Variants in STRN4 observed in about 807,000 individuals in gnomAD.
STRN4 encodes striatin 4.
A neutral mutation model predicts 77.9 loss-of-function variants in STRN4; 27 were observed. The ratio of observed to expected loss-of-function variants is 0.35; its 90% CI spans 0.26 to 0.48. The LOEUF is 0.48. STRN4 is among the 20% of genes least tolerant of loss of function. STRN4 has a pLI of 0.99. For missense variants in STRN4, 798 were observed against 1,049.7 expected (o/e 0.76, Z 3.31); for synonymous variants, 466 against 443.1 (o/e 1.05, Z -0.65).
intron 9 of STRN4, 196 bp from the exon 10 acceptor site, chr19:46,725,844 C>T (rs766329061): frequency 1.3e-5 from 9 of 686,574 alleles, no homozygotes; most frequent in Non-Finnish European, 1.9e-5. Context: ...AACAAGTCCC[C>T]ACACTGCGCT....
chr19:46,733,352 A>C lies in STRN4; in HGVS notation c.540-116T>G. On this transcript the variant is annotated intron_variant, in intron 4 of 17. Transcript: ENST00000263280. This position sits in a 1 kb window ranked among gnomAD's most constrained non-coding sequence, Gnocchi z 4.3. ...GGGCCACTTAAGAGCATACACCAAA[A>C]TCTGACATAAGCACACCCTCGCTCC... is the stretch of plus-strand genomic sequence containing the variant. The C allele has an allele frequency of 2.3e-5, 21 of 924,982 alleles. No homozygotes were observed. The highest frequency in any genetic ancestry group is 5.3e-5 in the East Asian group (2 of 37,462). 57.3% of individuals were successfully genotyped at this position (924,982 alleles called of 1,614,324 possible).
chr19:46,722,146 G>C, intron 15 of STRN4, 74 bp from the exon 16 acceptor site: 2 of 1,602,432 alleles, frequency 1.2e-6, no homozygotes, highest in Non-Finnish European at 1.7e-6. Flanking sequence ...AGGACTGGAC[G>C]AGAGACTCCC....
At position 46,738,738 on chromosome 19, in the gene STRN4, C is replaced by T. The variant is rs1786108717; in HGVS notation, c.386+47G>A. The stretch of plus-strand genomic sequence containing the variant: ...TGGCTGGTGGCCTCCTGACACTGTG[C>T]TTGAGACGGACCCAGAAGGCAGGCC... On this transcript the variant is annotated intron_variant, in intron 2 of 17. Coordinates refer to ENST00000263280, the MANE Select transcript of STRN4 (RefSeq NM_013403.3). The surrounding 1 kb of genome is among the most constrained non-coding windows in gnomAD (Gnocchi z 4.5). 6.3e-7 allele frequency: 1 copy of T among 1,599,288 alleles called. No individual in the cohort carries two copies. The highest frequency in any genetic ancestry group is 1.3e-5 in the African/African-American group (1 of 74,602).
At chr19:46,721,903 C>T in intron 16 of STRN4, 83 bp downstream of exon 16, 3 of 1,541,464 alleles carry the variant, frequency 1.9e-6, no homozygotes, top group Non-Finnish European at 2.7e-6. Context: ...CCCGGGGCCC[C>T]CTGAGCACTT....
chr19:46,746,445 C>T lies in STRN4; in HGVS notation c.-15G>A, dbSNP rs1363942357. 3.4e-5 allele frequency: 34 copies of T among 1,004,226 alleles called. No individual in the cohort carries two copies. Among genetic ancestry groups the T allele is most frequent in the Non-Finnish European group, 3.9e-5 (33 of 844,444 alleles). 62.2% of individuals were successfully genotyped at this position (1,004,226 alleles called of 1,614,324 possible). A position where few individuals can be genotyped will look rare whatever the true frequency, so the allele number is the denominator to read the frequency against. ...TCCTCCATCATGGAGGCCCCGGGGC[C>T]GGCCTGCGCGCCCGCTGTGCCTCGC... On this transcript the variant is annotated 5_prime_UTR_variant, in exon 1 of 18. Transcript: ENST00000263280.
Position 46,733,596 on chromosome 19 carries a change from C to T in STRN4, c.540-360G>A. The stretch of plus-strand genomic sequence containing the variant: ...AAGGGAAGCTGGCCACGGTAAACAG[C>T]AGAACGAAAACGCTAAGTTCTATGA... On this transcript the variant is annotated intron_variant, in intron 4 of 17. Coordinates refer to ENST00000263280, the MANE Select transcript of STRN4 (RefSeq NM_013403.3). This position sits in a 1 kb window ranked among gnomAD's most constrained non-coding sequence, Gnocchi z 4.3. The T allele has an allele frequency of 4.2e-6, 1 of 236,654 alleles. No individual in the cohort carries two copies. The highest frequency in any genetic ancestry group is 8.4e-6 in the Non-Finnish European group (1 of 119,358). 14.7% of individuals were successfully genotyped at this position (236,654 alleles called of 1,614,324 possible).
At position 46,719,714 on chromosome 19, in the gene STRN4, C is replaced by G. The variant is rs1040423458; in HGVS notation, c.*691G>C. 2 of 152,506 alleles carry G rather than the reference C, an allele frequency of 1.3e-5. No homozygotes were observed. Among genetic ancestry groups the G allele is most frequent in the African/African-American group, 2.4e-5 (1 of 41,398 alleles). 9.4% of individuals were successfully genotyped at this position (152,506 alleles called of 1,614,324 possible). On this transcript the variant is annotated 3_prime_UTR_variant, in exon 18 of 18. Transcript: ENST00000263280. ...AGTGATAATGCGGGTGGGGCGGCGC[C>G]ATGAAAATCCCGTTATTTATACAGA...
chr19:46,738,955 C>G lies in STRN4; in HGVS notation c.283-67G>C. ...AGGCTCAATGCCGGTGTGTCTATCA[C>G]TCACCCAGGTATAGTGCCAGCCCAC... On this transcript the variant is annotated intron_variant, in intron 1 of 17. Coordinates refer to ENST00000263280, the MANE Select transcript of STRN4 (RefSeq NM_013403.3). This position sits in a 1 kb window ranked among gnomAD's most constrained non-coding sequence, Gnocchi z 4.5. 7.2e-7 allele frequency: 1 copy of G among 1,388,930 alleles called. No individual in the cohort carries two copies. The highest frequency in any genetic ancestry group is 1.0e-6 in the Non-Finnish European group (1 of 985,012). 86.0% of individuals were successfully genotyped at this position (1,388,930 alleles called of 1,614,324 possible).
At position 46,728,627 on chromosome 19, in the gene STRN4, G is replaced by T; in HGVS notation, c.1030C>A (p.His344Asn). 1 of 1,613,214 alleles carries T rather than the reference G, an allele frequency of 6.2e-7. No individual in the cohort carries two copies. Among genetic ancestry groups the T allele is most frequent in the South Asian group, 1.1e-5 (1 of 91,056 alleles). The change falls in exon 7 of 18, where the codon CAT becomes AAT. Residue 344 changes from histidine to asparagine, a missense_variant. Physicochemically the swap from His to Asn is moderately conservative, Grantham distance 68. Coordinates refer to ENST00000263280, the MANE Select transcript of STRN4 (RefSeq NM_013403.3). The part of the protein sequence containing the change: ...PRRCTVDGSP[H>N]ELESRRVKLQ... Reference sequence around the variant, plus strand: ...GAAAACGTCAGCTCACCCAGCTCATGGGGGCTCCCATCCACAGTGCACCGC... The same window carrying T: ...GAAAACGTCAGCTCACCCAGCTCATTGGGGCTCCCATCCACAGTGCACCGC...
At chr19:46,744,286 A>G (rs1343133963) in intron 1 of STRN4, among the ~76,000 whole-genome samples, 1 of 152,242 alleles carries the variant, frequency 6.6e-6, no homozygotes, top group Non-Finnish European at 1.5e-5. Flanking sequence ...AAGTGAGAGC[A>G]GTTACATAAG....
rs1397214031 is a variant in STRN4, at chr19:46,746,074, G to A, written c.282+75C>T. The A allele has an allele frequency of 3.1e-6, 4 of 1,311,008 alleles. No homozygotes were observed. In the East Asian group the frequency reaches 9.9e-5, roughly 32 times the overall value. 81.2% of individuals were successfully genotyped at this position (1,311,008 alleles called of 1,614,324 possible). ...CCGGCGGCCATTGCTCCAAGATGGC[G>A]GCGGCGGCGGCAGCGGGTGAGGCCG... On this transcript the variant is annotated intron_variant, in intron 1 of 17. Coordinates refer to ENST00000263280, the MANE Select transcript of STRN4 (RefSeq NM_013403.3).
At chr19:46,732,867 G>A (rs1442453789) in intron 5 of STRN4, among the ~76,000 whole-genome samples, 172 bp downstream of exon 5, 5 of 152,146 alleles carry the variant, frequency 3.3e-5, no homozygotes, top group Admixed American at 1.3e-4. Context: ...GACAGAATCC[G>A]GGGGATCCCA....
Position 46,738,972 on chromosome 19 carries a change from C to A in STRN4, c.283-84G>T. 1 of 1,177,730 alleles carries A rather than the reference C, an allele frequency of 8.5e-7. No homozygotes were observed. Among genetic ancestry groups the A allele is most frequent in the South Asian group, 1.2e-5 (1 of 81,138 alleles). 73.0% of individuals were successfully genotyped at this position (1,177,730 alleles called of 1,614,324 possible). On this transcript the variant is annotated intron_variant, in intron 1 of 17. Transcript: ENST00000263280. The surrounding 1 kb of genome is among the most constrained non-coding windows in gnomAD (Gnocchi z 4.5). ...GTCTATCACTCACCCAGGTATAGTG[C>A]CAGCCCACAGTCACCCCACAGTAAT...
chr19:46,746,169 C>A lies in STRN4; in HGVS notation c.262G>T (p.Ala88Ser). The change falls in exon 1 of 18, where the codon GCC (alanine) becomes TCC (serine). Residue 88 changes from alanine (A) to serine (S), a missense_variant. Around this residue, in one of 2 missense-constraint regions of STRN4, gnomAD observed 511 missense variants for 575.9 expected, o/e 0.89. Transcript: ENST00000263280. ...RFEAEKARWE[A>S]ERAELQAQVA... Reference sequence around the variant, plus strand: ...CTCACCTGTAACTCGGCGCGCTCGGCCTCCCAGCGGGCTTTCTCGGCTTCG... The same window carrying A: ...CTCACCTGTAACTCGGCGCGCTCGGACTCCCAGCGGGCTTTCTCGGCTTCG... 1.3e-6 allele frequency: 2 copies of A among 1,532,494 alleles called. No homozygotes were observed. Among genetic ancestry groups the A allele is most frequent in the Non-Finnish European group, 1.7e-6 (2 of 1,147,276 alleles). The allele number at this position is 1,532,494 out of a possible 1,614,324, so 94.9% of individuals were successfully genotyped here. A position where few individuals can be genotyped will look rare whatever the true frequency, so the allele number is the denominator to read the frequency against.
chr19:46,744,832 C>T (rs1424132507), intron 1 of STRN4, among the ~76,000 whole-genome samples: 2 of 151,984 alleles, frequency 1.3e-5, no homozygotes, highest in Non-Finnish European at 2.9e-5. Flanking sequence ...AATCTTCAGA[C>T]TTCCAGCGGG....
At position 46,737,640 on chromosome 19, in the gene STRN4, C is replaced by T. The variant is rs530151406; in HGVS notation, c.460+524G>A. The stretch of plus-strand genomic sequence containing the variant: ...GTGCGTCTCTGTATCTGTGCTCTCT[C>T]CCCTGACTCTCCTGCTGGGGAACGG... On this transcript the variant is annotated intron_variant, in intron 3 of 17. Transcript: ENST00000263280. 1.3e-4 allele frequency among the ~76,000 whole-genome samples: 20 copies of T among 151,804 alleles called. No homozygotes were observed. In the South Asian group the frequency reaches 4.2e-3, roughly 32 times the overall value.
chr19:46,744,393 C>CT (rs2054533858), intron 1 of STRN4, among the ~76,000 whole-genome samples: 2 of 151,932 alleles, frequency 1.3e-5, no homozygotes, highest in South Asian at 2.1e-4. Flanking sequence ...GAACAAAATG[C>CT]TTTTTTTTGA....
At chr19:46,722,367 G>T (rs200213485) in intron 14 of STRN4, 27 bp from the exon 15 acceptor site, 1 of 1,606,120 alleles carries the variant, frequency 6.2e-7, no homozygotes, top group East Asian at 2.2e-5. Flanking sequence ...GAAGAGGGAA[G>T]GATGTCAAGC....
At chr19:46,726,339 TA>T (rs994712017) in intron 9 of STRN4, 1 of 152,040 alleles carries the variant, frequency 6.6e-6, no homozygotes, top group African/African-American at 2.4e-5. Flanking sequence ...AGGCTCAGAT[TA>T]GGGGCAGGTA....
Sources: gnomAD v4.1 joint callset for allele counts (sites outside exome capture counted in the v4.1 genomes callset) on GRCh38, gnomAD v4.1.1 for gene constraint, gnomAD v4.1.1 regional missense constraint, Gnocchi (gnomAD v3.1) non-coding constraint, MANE v1.5 for transcripts, NCBI Gene and HGNC (gene_info 2026-07-23, HGNC 2026-07-21) for gene names.